Variants in TBC1D4 observed in about 807,000 individuals in gnomAD.
The protein encoded by TBC1D4 is TBC (Tre-2, BUB2, CDC16) domain-containing protein.
TBC1D4 carries 121 observed loss-of-function variants against 142.5 expected under a neutral mutation model. That is an observed-to-expected ratio of 0.85 (90% CI 0.73 to 0.99). The LOEUF is 0.99. Ranked by LOEUF, TBC1D4 falls within the 50% of genes least tolerant of loss-of-function variation. The pLI, the probability that TBC1D4 is intolerant of heterozygous loss-of-function variation, is 0.00. For missense variants in TBC1D4, 1,475 were observed against 1,606.6 expected (o/e 0.92, Z 1.40); for synonymous variants, 630 against 628.2 (o/e 1.00, Z -0.04).
chr13:75,460,765 A>T lies in TBC1D4; in HGVS notation c.498+20505T>A, dbSNP rs559173564. Among the ~76,000 whole-genome samples the T allele has an allele frequency of 2.2e-3, 327 of 149,386 alleles. 2 individuals are homozygous for T. Among genetic ancestry groups the T allele is most frequent in the African/African-American group, 7.6e-3 (310 of 40,938 alleles). ...GCGAGACCTCATCTTCACTAAAAAT[A>T]AAAAAAAAATGGCCAGACATGGTGG... On this transcript the variant is annotated intron_variant, in intron 1 of 20. Coordinates refer to ENST00000377636, the MANE Select transcript of TBC1D4 (RefSeq NM_014832.5).
chr13:75,325,982 A>AG (rs759735927), intron 10 of TBC1D4, among the ~76,000 whole-genome samples: 3 of 152,342 alleles, frequency 2.0e-5, no homozygotes, highest in East Asian at 3.9e-4. Context: ...GAAAAACAAA[A>AG]GAGTTTCCAC....
At chr13:75,479,816 C>A (rs1431654323) in intron 1 of TBC1D4, among the ~76,000 whole-genome samples, 2 of 152,194 alleles carry the variant, frequency 1.3e-5, no homozygotes. Flanking sequence ...TGGTTAGGAT[C>A]TTGAAATAAT....
intron 1 of TBC1D4, among the ~76,000 whole-genome samples, chr13:75,457,356 G>C (rs1477980754): frequency 6.6e-6 from 1 of 152,166 alleles, no homozygotes; most frequent in African/African-American, 2.4e-5. Context: ...CCTGTGCACT[G>C]TAGAATATTT....
intron 1 of TBC1D4, among the ~76,000 whole-genome samples, chr13:75,444,046 T>C (rs1887165895): frequency 6.6e-6 from 1 of 151,972 alleles, no homozygotes; most frequent in South Asian, 2.1e-4. Flanking sequence ...ATATTGGATA[T>C]ACCCAAAAGC....
intron 12 of TBC1D4, among the ~76,000 whole-genome samples, chr13:75,317,373 A>G (rs1476856477): frequency 6.6e-6 from 1 of 152,208 alleles, no homozygotes; most frequent in African/African-American, 2.4e-5. Context: ...CAACAGAGAA[A>G]TAACTTCAGA....
chr13:75,308,770 CTG>C (rs1235284940), intron 14 of TBC1D4, among the ~76,000 whole-genome samples: 1 of 152,162 alleles, frequency 6.6e-6, no homozygotes, highest in African/African-American at 2.4e-5. Flanking sequence ...ATTTATCAAA[CTG>C]AACTTTTAAA....
intron 10 of TBC1D4, 152 bp downstream of exon 10, chr13:75,326,045 C>T (rs1241643221): frequency 1.2e-6 from 1 of 863,622 alleles, no homozygotes; most frequent in Non-Finnish European, 1.9e-6. Context: ...CCTGTTTCGC[C>T]TAGTAAATGA....
intron 1 of TBC1D4, among the ~76,000 whole-genome samples, chr13:75,464,066 C>G (rs968189450): frequency 6.6e-6 from 1 of 152,138 alleles, no homozygotes; most frequent in African/African-American, 2.4e-5. Context: ...CAAACAATGC[C>G]CTCCTCAGTA....
At chr13:75,422,313 C>T (rs1886203693) in intron 1 of TBC1D4, among the ~76,000 whole-genome samples, 1 of 151,806 alleles carries the variant, frequency 6.6e-6, no homozygotes, top group Non-Finnish European at 1.5e-5. Context: ...TTTAGGAAGC[C>T]ACTGCAGGAT....
At chr13:75,306,823 A>G (rs1877236379) in intron 14 of TBC1D4, among the ~76,000 whole-genome samples, 1 of 152,194 alleles carries the variant, frequency 6.6e-6, no homozygotes, top group Non-Finnish European at 1.5e-5. Context: ...ATGAGAAGAC[A>G]AAGACTCATG....
chr13:75,293,658 C>T (rs1391843477), intron 18 of TBC1D4, among the ~76,000 whole-genome samples: 1 of 152,184 alleles, frequency 6.6e-6, no homozygotes. Flanking sequence ...ATCTGGTGAA[C>T]ATTTGATTCA....
chr13:75,472,311 C>T lies in TBC1D4; in HGVS notation c.498+8959G>A, dbSNP rs1888445937. Among the ~76,000 whole-genome samples, 3 of 151,900 alleles carry T rather than the reference C, an allele frequency of 2.0e-5. No homozygotes were observed. In the South Asian group the frequency reaches 6.3e-4, roughly 32 times the overall value. The stretch of plus-strand genomic sequence containing the variant: ...GCAGGCGCCTGTAGTCCCAGCTACT[C>T]AGGAGGCAGAGGCAGGAGAACTGCT... On this transcript the variant is annotated intron_variant, in intron 1 of 20. Transcript: ENST00000377636.
intron 1 of TBC1D4, among the ~76,000 whole-genome samples, chr13:75,437,768 T>A (rs1165897209): frequency 6.6e-6 from 1 of 152,164 alleles, no homozygotes; most frequent in South Asian, 2.1e-4. Flanking sequence ...TAGTAGCTAA[T>A]TCCTCTATAA....
intron 1 of TBC1D4, among the ~76,000 whole-genome samples, chr13:75,428,681 G>A (rs1463877890): frequency 3.3e-5 from 5 of 152,230 alleles, no homozygotes; most frequent in Admixed American, 6.5e-5. Flanking sequence ...CCAGTTCCCC[G>A]GATTAGTTCC....
chr13:75,315,367 T>TAC (rs1441868204), intron 12 of TBC1D4, among the ~76,000 whole-genome samples: 37 of 147,622 alleles, frequency 2.5e-4, no homozygotes, highest in Non-Finnish European at 4.3e-4. Flanking sequence ...TATATATATA[T>TAC]ATACACACAC....
At chr13:75,354,821 G>A (rs80128066) in intron 4 of TBC1D4, among the ~76,000 whole-genome samples, 283 of 152,126 alleles carry the variant, frequency 1.9e-3, no homozygotes, top group African/African-American at 6.6e-3. Context: ...TTCTTCCCCC[G>A]GGTGTTTATC....
At chr13:75,313,006 C>T (rs187540156) in intron 12 of TBC1D4, 108 bp from the exon 13 acceptor site, 2 of 1,254,778 alleles carry the variant, frequency 1.6e-6, no homozygotes, top group Admixed American at 2.0e-5. Flanking sequence ...CGGGCAAGCA[C>T]AAGCCACAGG....
In TBC1D4 at chr13:75,362,533, A is replaced by C. The variant is rs753323890; in HGVS notation, c.573T>G (p.Asp191Glu). 1.2e-6 allele frequency: 2 copies of C among 1,614,216 alleles called. No homozygotes were observed. The highest frequency in any genetic ancestry group is 1.7e-6 in the Non-Finnish European group (2 of 1,180,032). The change falls in exon 2 of 21, where the codon GAT (aspartate) becomes GAG (glutamate). Residue 191 changes from aspartate to glutamate, a missense_variant. Physicochemically the swap from Asp to Glu is conservative, Grantham distance 45 (BLOSUM62 2). Around this residue, in one of 2 missense-constraint regions of TBC1D4, gnomAD observed 1,227 missense variants for 1,267.7 expected, o/e 0.97. Transcript: ENST00000377636. The surrounding 1 kb of genome is among the most constrained non-coding windows in gnomAD (Gnocchi z 4.2). ...AMKEDAKPSK[D>E]NEDAFYNSQK... is the part of the protein sequence containing the mutation. ...GAGAGTTGTAAAAGGCGTCCTCATT[A>C]TCTTTGCTGGGTTTGGCATCCTCTT...
At chr13:75,351,562 T>C (rs1310487072) in intron 4 of TBC1D4, among the ~76,000 whole-genome samples, 3 of 149,812 alleles carry the variant, frequency 2.0e-5, no homozygotes, top group Admixed American at 6.7e-5. Flanking sequence ...AAGGCTATCC[T>C]TCCCCCCTCC....
Sources: allele counts gnomAD v4.1 joint callset (sites outside exome capture counted in the v4.1 genomes callset), GRCh38; gene constraint gnomAD v4.1.1; regional missense constraint gnomAD v4.1.1; non-coding constraint Gnocchi (gnomAD v3.1); transcripts MANE v1.5; gene names NCBI Gene and HGNC (gene_info 2026-07-23, HGNC 2026-07-21).